The following STK32B variants were observed in gnomAD, a reference collection of about 807,000 sequenced individuals.
STK32B encodes serine/threonine kinase 32B, also known as serine/threonine-protein kinase 32B.
A neutral mutation model predicts 52.6 loss-of-function variants in STK32B; 43 were observed. That is an observed-to-expected ratio of 0.82 (90% CI 0.64 to 1.05). STK32B has a LOEUF of 1.05. Ranked by LOEUF, STK32B falls within the 50% of genes least tolerant of loss-of-function variation. STK32B has a pLI of 0.00. For missense variants in STK32B, 621 were observed against 534.6 expected (o/e 1.16, Z -1.59); for synonymous variants, 238 against 204.3 (o/e 1.17, Z -1.41).
intron 6 of STK32B, among the ~76,000 whole-genome samples, chr4:5,423,476 G>A (rs140170388): frequency 3.0e-4 from 46 of 152,292 alleles, no homozygotes; most frequent in African/African-American, 1.0e-3. Flanking sequence ...AAGGCATATA[G>A]CATAATGCCT....
chr4:5,148,545 C>A (rs560478649), intron 2 of STK32B, among the ~76,000 whole-genome samples: 2 of 151,578 alleles, frequency 1.3e-5, no homozygotes, highest in Non-Finnish European at 3.0e-5. Flanking sequence ...GTCTTTGAAG[C>A]TTTTTTATTG....
intron 3 of STK32B, among the ~76,000 whole-genome samples, chr4:5,306,133 A>G (rs536999127): frequency 9.9e-5 from 15 of 152,238 alleles, no homozygotes; most frequent in Middle Eastern, 6.8e-3. Context: ...CATGTGGTCT[A>G]TCTTGGAGAA....
At chr4:5,344,063 C>T (rs1472951058) in intron 4 of STK32B, among the ~76,000 whole-genome samples, 5 of 152,138 alleles carry the variant, frequency 3.3e-5, no homozygotes, top group Non-Finnish European at 7.4e-5. Context: ...GGATTGCATC[C>T]ATCAGTTTGG....
chr4:5,171,288 C>T (rs1222705180), intron 3 of STK32B, among the ~76,000 whole-genome samples: 1 of 152,016 alleles, frequency 6.6e-6, no homozygotes, highest in Non-Finnish European at 1.5e-5. Context: ...GTTTCTTTTG[C>T]TGTGCAGAAG....
rs183706507 is a variant in STK32B, at chr4:5,279,823, C to G, written c.261-51397C>G. Among the ~76,000 whole-genome samples, 33 of 152,306 alleles carry G rather than the reference C, an allele frequency of 2.2e-4. 1 individual carries two copies. Among genetic ancestry groups the G allele is most frequent in the Admixed American group, 1.9e-3 (29 of 15,300 alleles). ...GGCTGGGGACTTGCACCCTCTGAAG[C>G]AACAGCCCAAGCTGTACCTTTGCCC... On this transcript the variant is annotated intron_variant, in intron 3 of 11. Transcript: ENST00000282908.
At chr4:5,456,365 C>A (rs905313729) in intron 7 of STK32B, among the ~76,000 whole-genome samples, 9 of 152,270 alleles carry the variant, frequency 5.9e-5, no homozygotes, top group Non-Finnish European at 1.0e-4. Flanking sequence ...GCTCTGTCCA[C>A]CCCATGGGCC....
At chr4:5,143,370 C>G (rs1159853197) in intron 2 of STK32B, among the ~76,000 whole-genome samples, 1 of 152,174 alleles carries the variant, frequency 6.6e-6, no homozygotes, top group Non-Finnish European at 1.5e-5. Context: ...ATTCAGAAAT[C>G]ATGTTGTATA....
chr4:5,318,608 G>T (rs1191730410), intron 3 of STK32B, among the ~76,000 whole-genome samples: 1 of 152,078 alleles, frequency 6.6e-6, no homozygotes, highest in Non-Finnish European at 1.5e-5. Context: ...TGGTGAATCA[G>T]CTAGACCCAG....
At chr4:5,176,123 G>C (rs1486153684) in intron 3 of STK32B, among the ~76,000 whole-genome samples, 1 of 152,224 alleles carries the variant, frequency 6.6e-6, no homozygotes, top group Non-Finnish European at 1.5e-5. Context: ...TAATCTCCTG[G>C]TGTGCCGTTT....
chr4:5,062,360 A>C (rs996692482), intron 1 of STK32B, among the ~76,000 whole-genome samples: 2 of 152,150 alleles, frequency 1.3e-5, no homozygotes, highest in Non-Finnish European at 2.9e-5. Context: ...TCTTTTTGGG[A>C]CACACACAAA....
At chr4:5,274,745 C>G (rs947482518) in intron 3 of STK32B, among the ~76,000 whole-genome samples, 1 of 152,092 alleles carries the variant, frequency 6.6e-6, no homozygotes, top group Admixed American at 6.5e-5. Context: ...TTAAATCTTG[C>G]AACTGCACTC....
intron 1 of STK32B, among the ~76,000 whole-genome samples, chr4:5,074,369 A>T (rs769526079): frequency 4.0e-5 from 6 of 151,522 alleles, no homozygotes; most frequent in Non-Finnish European, 7.4e-5. Flanking sequence ...TAGGACTTTC[A>T]TTTTTTTCCC....
intron 5 of STK32B, among the ~76,000 whole-genome samples, chr4:5,414,951 A>G (rs1455445798): frequency 1.3e-5 from 2 of 152,262 alleles, no homozygotes; most frequent in African/African-American, 4.8e-5. Context: ...TGAAGGCTTC[A>G]TAGTCCTCTT....
At chr4:5,148,204 A>G (rs1020013228) in intron 2 of STK32B, among the ~76,000 whole-genome samples, 1 of 151,820 alleles carries the variant, frequency 6.6e-6, no homozygotes, top group African/African-American at 2.4e-5. Context: ...TGATATTATC[A>G]TAGGATCTTC....
At chr4:5,087,719 T>A (rs1420094867) in intron 1 of STK32B, among the ~76,000 whole-genome samples, 1 of 151,476 alleles carries the variant, frequency 6.6e-6, no homozygotes, top group Non-Finnish European at 1.5e-5. Flanking sequence ...TATATAATAA[T>A]AAAAAGGTCA....
At chr4:5,300,943 A>T (rs1164355473) in intron 3 of STK32B, among the ~76,000 whole-genome samples, 1 of 151,784 alleles carries the variant, frequency 6.6e-6, no homozygotes. Context: ...TCACAAAATT[A>T]GGGGGACACC....
rs1471741490 is a variant in STK32B at position 5,469,038 on chromosome 4, A to G, written c.1106+968A>G. Among the ~76,000 whole-genome samples, 2 of 146,414 alleles carry G rather than the reference A, an allele frequency of 1.4e-5. No homozygotes were observed. Among genetic ancestry groups the G allele is most frequent in the Non-Finnish European group, 3.0e-5 (2 of 66,606 alleles). ...TGCACTCCAGCCTGGGCGACAGAGCAAGACTCCGTCTCAAAAAAAAAAAAA... is the reference window on the plus strand; with the variant it reads ...TGCACTCCAGCCTGGGCGACAGAGCGAGACTCCGTCTCAAAAAAAAAAAAA... On this transcript the variant is annotated intron_variant, in intron 11 of 11. Coordinates refer to ENST00000282908, the MANE Select transcript of STK32B (RefSeq NM_018401.3). The surrounding 1 kb of genome is among the most constrained non-coding windows in gnomAD (Gnocchi z 4.7).
chr4:5,484,798 T>C (rs28890936), intron 11 of STK32B, among the ~76,000 whole-genome samples: 83 of 152,330 alleles, frequency 5.4e-4, no homozygotes, highest in African/African-American at 1.8e-3. Context: ...TGACAAAATC[T>C]CTCAGCATTT....
intron 3 of STK32B, among the ~76,000 whole-genome samples, chr4:5,301,840 AGTTT>A (rs982993705): frequency 1.4e-4 from 17 of 121,384 alleles, no homozygotes; most frequent in Non-Finnish European, 1.5e-5. Context: ...GGTTTAGTTT[AGTTT>A]GTTTTTTTTC....
Sources: gnomAD v4.1 joint callset for allele counts (sites outside exome capture counted in the v4.1 genomes callset) on GRCh38, gnomAD v4.1.1 for gene constraint, Gnocchi (gnomAD v3.1) non-coding constraint, MANE v1.5 for transcripts, NCBI Gene and HGNC (gene_info 2026-07-23, HGNC 2026-07-21) for gene names.